TANC2: variants seen among roughly 807,000 people sequenced by gnomAD.
The protein encoded by TANC2 is protein TANC2.
A neutral mutation model predicts 210.5 loss-of-function variants in TANC2; 26 were observed. The ratio of observed to expected loss-of-function variants is 0.12; its 90% confidence interval spans 0.09 to 0.17. The LOEUF is 0.17. Ranked by LOEUF, TANC2 falls within the 10% of genes least tolerant of loss-of-function variation. The probability of loss-of-function intolerance (pLI) is 1.00; values close to 1 mark genes in which losing one functional copy is unlikely to be tolerated. For synonymous variants in TANC2, 931 were observed against 967.1 expected (o/e 0.96, Z 0.69); for missense variants, 2,129 against 2,608.9 (o/e 0.82, Z 4.01).
intron 4 of TANC2, among the ~76,000 whole-genome samples, chr17:63,138,242 C>T (rs1366284417): frequency 6.6e-6 from 1 of 152,142 alleles, no homozygotes; most frequent in Admixed American, 6.6e-5. Context: ...TAGAAAGAAG[C>T]TTCCTACTGA....
intron 4 of TANC2, among the ~76,000 whole-genome samples, chr17:63,101,597 C>G (rs1005765471): frequency 1.1e-4 from 17 of 152,184 alleles, no homozygotes; most frequent in African/African-American, 4.1e-4. Flanking sequence ...CTAGGCACTG[C>G]TCTAGATATG....
At chr17:63,184,238 C>T (rs2040895827) in intron 5 of TANC2, among the ~76,000 whole-genome samples, 1 of 151,840 alleles carries the variant, frequency 6.6e-6, no homozygotes, top group African/African-American at 2.4e-5. Flanking sequence ...TTTAGTATCC[C>T]TCATCTGAGC....
intron 4 of TANC2, among the ~76,000 whole-genome samples, chr17:63,112,547 G>A (rs2038091586): frequency 6.6e-6 from 1 of 152,180 alleles, no homozygotes; most frequent in Non-Finnish European, 1.5e-5. Flanking sequence ...GGTCACACTG[G>A]TCAAGAACCC....
intron 2 of TANC2, among the ~76,000 whole-genome samples, chr17:63,030,586 C>T (rs1291311645): frequency 6.6e-6 from 1 of 150,774 alleles, no homozygotes; most frequent in African/African-American, 2.4e-5. Flanking sequence ...CCCCATGCCA[C>T]CCCCCACCCC....
chr17:63,033,740 T>G (rs916114522), intron 2 of TANC2, among the ~76,000 whole-genome samples: 1 of 152,142 alleles, frequency 6.6e-6, no homozygotes, highest in Non-Finnish European at 1.5e-5. Context: ...ATTCATTTTA[T>G]GAAATGTGAA....
intron 5 of TANC2, among the ~76,000 whole-genome samples, chr17:63,167,606 T>A (rs1440138924): frequency 6.6e-6 from 1 of 152,052 alleles, no homozygotes; most frequent in Non-Finnish European, 1.5e-5. Context: ...ATACAAAATT[T>A]TGCCCACTGT....
At chr17:63,170,142 T>G (rs2040354190) in intron 5 of TANC2, among the ~76,000 whole-genome samples, 1 of 146,960 alleles carries the variant, frequency 6.8e-6, no homozygotes, top group Admixed American at 6.9e-5. Context: ...AAAAAAAATT[T>G]ATTGGCGGGG....
intron 2 of TANC2, among the ~76,000 whole-genome samples, chr17:63,072,270 C>T (rs1385617062): frequency 6.6e-6 from 1 of 152,022 alleles, no homozygotes; most frequent in African/African-American, 2.4e-5. Flanking sequence ...GAGTTGTTTA[C>T]TTAGAATTTG....
exon 14 of TANC2, chr17:63,355,359 G>A (rs2046749823): frequency 6.3e-7 from 1 of 1,593,184 alleles, no homozygotes; most frequent in Non-Finnish European, 8.5e-7. Flanking sequence ...GAGAGAAGAA[G>A]GAGAGAAAAC....
At chr17:63,288,641 A>G (rs547793980) in intron 9 of TANC2, among the ~76,000 whole-genome samples, 80 of 152,314 alleles carry the variant, frequency 5.3e-4, no homozygotes, top group African/African-American at 1.8e-3. Flanking sequence ...TATGAGATCT[A>G]TAAGGATCTT....
chr17:63,348,307 T>C (rs2046482438), intron 12 of TANC2, among the ~76,000 whole-genome samples: 2 of 152,198 alleles, frequency 1.3e-5, no homozygotes, highest in African/African-American at 2.4e-5. Flanking sequence ...AGTCTTACAA[T>C]GGAACTACTA....
chr17:62,970,355 T>C (rs2031623714), intron 1 of TANC2, among the ~76,000 whole-genome samples: 2 of 152,220 alleles, frequency 1.3e-5, no homozygotes, highest in African/African-American at 4.8e-5. Context: ...TGGTTGGTAG[T>C]TCATTTTAGC....
At chr17:63,410,362 T>C (rs1041288330) in intron 21 of TANC2, among the ~76,000 whole-genome samples, 2 of 137,858 alleles carry the variant, frequency 1.5e-5, no homozygotes, top group Non-Finnish European at 3.2e-5. Context: ...TCCTAGTTTC[T>C]GGTAACCACC....
chr17:63,404,814 A>G (rs2048450780), intron 19 of TANC2, among the ~76,000 whole-genome samples: 1 of 152,182 alleles, frequency 6.6e-6, no homozygotes, highest in Non-Finnish European at 1.5e-5. Flanking sequence ...AAGAGGTACC[A>G]AAGGAGAGGT....
At chr17:63,070,411 G>T (rs535955871) in intron 2 of TANC2, among the ~76,000 whole-genome samples, 5 of 152,078 alleles carry the variant, frequency 3.3e-5, no homozygotes, top group Non-Finnish European at 7.4e-5. Flanking sequence ...CCAAGAAAAG[G>T]GTCCTTGAGC....
At chr17:63,426,166 C>T (rs985528872) in exon 28 of TANC2, 7 of 152,344 alleles carry the variant, frequency 4.6e-5, no homozygotes, top group African/African-American at 1.4e-4. Flanking sequence ...CGGCTGCTGC[C>T]TCCACACCGA....
Position 63,421,587 on chromosome 17 carries a change from G to A in TANC2, c.5857G>A (p.Ala1953Thr). ...CCTCCACCAGCAGAATCGGACCTGG[G>A]CAGTGTCATCTGTGGACACCGTCCT... is the stretch of plus-strand genomic sequence containing the variant. The change falls in exon 28 of 28, where the codon GCA (alanine) becomes ACA (threonine). Residue 1953 changes from alanine (A) to threonine (T), a missense_variant. Physicochemically the swap from Ala to Thr is moderately conservative, Grantham distance 58. This residue lies in a region of TANC2 where 161 missense variants were observed against 178.6 expected (regional missense o/e 0.90). Coordinates refer to ENST00000689528, the Ensembl canonical transcript of TANC2. The surrounding 1 kb of genome is among the most constrained non-coding windows in gnomAD (Gnocchi z 6.9). 1.2e-6 allele frequency: 2 copies of A among 1,613,924 alleles called. No individual in the cohort carries two copies. Among genetic ancestry groups the A allele is most frequent in the East Asian group, 2.2e-5 (1 of 44,894 alleles).
At chr17:63,019,783 T>C (rs2034268464) in intron 2 of TANC2, among the ~76,000 whole-genome samples, 1 of 151,498 alleles carries the variant, frequency 6.6e-6, no homozygotes, top group Admixed American at 6.6e-5. Context: ...TTTGGTGAAA[T>C]ATCTCTTCAT....
intron 5 of TANC2, among the ~76,000 whole-genome samples, chr17:63,158,942 G>T (rs1028112861): frequency 2.0e-5 from 3 of 152,242 alleles, no homozygotes; most frequent in African/African-American, 7.2e-5. Context: ...GTTGAACTGA[G>T]GGCTTCTATT....
Sources: allele counts gnomAD v4.1 joint callset (sites outside exome capture counted in the v4.1 genomes callset), GRCh38; gene constraint gnomAD v4.1.1; regional missense constraint gnomAD v4.1.1; non-coding constraint Gnocchi (gnomAD v3.1); transcripts MANE v1.5; gene names NCBI Gene and HGNC (gene_info 2026-07-23, HGNC 2026-07-21).